OPCML: variants seen among roughly 807,000 people sequenced by gnomAD.
OPCML encodes the protein opioid-binding protein/cell adhesion molecule.
OPCML carries 13 observed loss-of-function variants against 37.8 expected under a neutral mutation model. The observed-to-expected ratio is 0.34, with a 90% CI of 0.22 to 0.55. The LOEUF is 0.55. Ranked by LOEUF, OPCML falls within the 20% of genes least tolerant of loss-of-function variation. OPCML has a pLI of 0.91. For synonymous variants in OPCML, 176 were observed against 168.8 expected (o/e 1.04, Z -0.33); for missense variants, 341 against 435.6 (o/e 0.78, Z 1.93).
chr11:133,195,333 A>G (rs753711177), intron 1 of OPCML, among the ~76,000 whole-genome samples: 1 of 152,202 alleles, frequency 6.6e-6, no homozygotes, highest in Non-Finnish European at 1.5e-5. Context: ...GGTTCAATAA[A>G]TGCTCATTGG....
At chr11:132,468,067 A>G (rs2096125194) in intron 4 of OPCML, among the ~76,000 whole-genome samples, 1 of 152,258 alleles carries the variant, frequency 6.6e-6, no homozygotes, top group East Asian at 1.9e-4. Flanking sequence ...CTTCATTTGG[A>G]CAAAGCTAAT....
intron 2 of OPCML, among the ~76,000 whole-genome samples, chr11:132,820,059 A>G (rs1591652784): frequency 1.5e-5 from 2 of 129,804 alleles, no homozygotes; most frequent in East Asian, 4.7e-4. Context: ...ACACAGCAAA[A>G]ACTGAATGAA....
intron 2 of OPCML, among the ~76,000 whole-genome samples, chr11:132,784,250 A>G (rs1310186939): frequency 1.3e-5 from 2 of 152,140 alleles, no homozygotes; most frequent in East Asian, 3.9e-4. Flanking sequence ...TAACTAACCA[A>G]GGCTTGATTA....
chr11:132,545,422 T>G lies in OPCML; in HGVS notation c.380-16236A>C, dbSNP rs187411778. Reference sequence around the variant, plus strand: ...TTCTCTTTCCCAGTAAATAGGAAACTTGCTACAACCAGGTACTCAGCCTTC... The same window carrying G: ...TTCTCTTTCCCAGTAAATAGGAAACGTGCTACAACCAGGTACTCAGCCTTC... On this transcript the variant is annotated intron_variant, in intron 3 of 7. Coordinates refer to ENST00000524381, the MANE Select transcript of OPCML (RefSeq NM_001012393.5). Among the ~76,000 whole-genome samples, 54 of 152,338 alleles carry G rather than the reference T, an allele frequency of 3.5e-4. No homozygotes were observed. The Middle Eastern group carries it at 0.01, about 29-fold the overall frequency.
intron 1 of OPCML, among the ~76,000 whole-genome samples, chr11:133,372,263 G>A (rs1399292267): frequency 1.3e-5 from 2 of 152,252 alleles, no homozygotes; most frequent in Non-Finnish European, 2.9e-5. Flanking sequence ...ACATATTTAT[G>A]CACATAACAA....
intron 2 of OPCML, among the ~76,000 whole-genome samples, chr11:132,725,648 T>C (rs1944852445): frequency 6.6e-6 from 1 of 152,132 alleles, no homozygotes; most frequent in Non-Finnish European, 1.5e-5. Flanking sequence ...CTGCTTCACT[T>C]GTAAAACTGA....
chr11:133,004,531 A>G, intron 1 of OPCML: 1 of 985,336 alleles, frequency 1.0e-6, no homozygotes, highest in South Asian at 4.7e-5. Flanking sequence ...GGCCTTGGCC[A>G]TGCACCTCTT....
chr11:133,515,536 T>G lies in OPCML; in HGVS notation c.61+16728A>C, dbSNP rs150233069. On this transcript the variant is annotated intron_variant, in intron 1 of 7. Transcript: ENST00000524381. ...CCATAGGGATAATAGAAAAATCAAGTTCGAGAAGCTAATACAAAACCATAA... is the reference window on the plus strand; with the variant it reads ...CCATAGGGATAATAGAAAAATCAAGGTCGAGAAGCTAATACAAAACCATAA... Among the ~76,000 whole-genome samples the G allele has an allele frequency of 1.7e-3, 258 of 152,160 alleles. 1 individual carries two copies. Among genetic ancestry groups the G allele is most frequent in the African/African-American group, 5.6e-3 (233 of 41,504 alleles).
chr11:132,780,868 T>C (rs1168230542), intron 2 of OPCML, among the ~76,000 whole-genome samples: 1 of 152,200 alleles, frequency 6.6e-6, no homozygotes, highest in Admixed American at 6.5e-5. Context: ...TATTTTAAAT[T>C]TCTGATTACG....
intron 1 of OPCML, among the ~76,000 whole-genome samples, chr11:132,966,214 G>A (rs1211122597): frequency 6.6e-6 from 1 of 151,704 alleles, no homozygotes; most frequent in Non-Finnish European, 1.5e-5. Context: ...TGTTTTGTAT[G>A]TTTCGCTATG....
intron 1 of OPCML, among the ~76,000 whole-genome samples, chr11:133,529,916 A>G (rs1220921480): frequency 6.6e-6 from 1 of 152,192 alleles, no homozygotes; most frequent in African/African-American, 2.4e-5. Flanking sequence ...CAAGATGCGA[A>G]GCGTTCTTTC....
At chr11:132,779,568 G>A (rs1946926310) in intron 2 of OPCML, among the ~76,000 whole-genome samples, 1 of 150,676 alleles carries the variant, frequency 6.6e-6, no homozygotes, top group Admixed American at 6.6e-5. Flanking sequence ...GGGGGCGTGG[G>A]GAGAGAGAGA....
At position 133,043,508 on chromosome 11, in the gene OPCML, C is replaced by T. The variant is rs548106533; in HGVS notation, c.62-100498G>A. Among the ~76,000 whole-genome samples, 14 of 152,296 alleles carry T rather than the reference C, an allele frequency of 9.2e-5. No homozygotes were observed. The East Asian group carries it at 1.5e-3, about 17-fold the overall frequency. On this transcript the variant is annotated intron_variant, in intron 1 of 7. Coordinates refer to ENST00000524381, the MANE Select transcript of OPCML (RefSeq NM_001012393.5). ...TCTCCAAAGTGTTAGGTGGCAGCTG[C>T]GCACACCCAGGGAAATAGATTTCCA... is the stretch of plus-strand genomic sequence containing the variant.
chr11:132,578,475 T>C (rs1003654334), intron 3 of OPCML, among the ~76,000 whole-genome samples: 1 of 152,194 alleles, frequency 6.6e-6, no homozygotes, highest in African/African-American at 2.4e-5. Flanking sequence ...TAATGCTAAC[T>C]GGTCTGCATT....
At chr11:132,583,043 T>C (rs1452187806) in intron 3 of OPCML, among the ~76,000 whole-genome samples, 1 of 151,174 alleles carries the variant, frequency 6.6e-6, no homozygotes, top group East Asian at 1.9e-4. Context: ...ACTTTTGGGG[T>C]TTTTTGGTTT....
In OPCML at chr11:133,317,183, C is replaced by T. The variant is rs145791843; in HGVS notation, c.61+215081G>A. Among the ~76,000 whole-genome samples, 1,008 of 152,126 alleles carry T rather than the reference C, an allele frequency of 6.6e-3. 2 individuals are homozygous for T. The highest frequency in any genetic ancestry group is 0.014 in the Middle Eastern group (4 of 294). The stretch of plus-strand genomic sequence containing the variant: ...CTGCACTCCAGCCTGGGTGACAGAG[C>T]GAGATGCTATGTCAAAAAATAAAAA... On this transcript the variant is annotated intron_variant, in intron 1 of 7. Coordinates refer to ENST00000524381, the MANE Select transcript of OPCML (RefSeq NM_001012393.5).
intron 4 of OPCML, among the ~76,000 whole-genome samples, chr11:132,444,029 T>C (rs2096045847): frequency 6.6e-6 from 1 of 152,220 alleles, no homozygotes; most frequent in African/African-American, 2.4e-5. Flanking sequence ...TTGACTTTAG[T>C]ACTCAGTCAC....
intron 2 of OPCML, among the ~76,000 whole-genome samples, chr11:132,709,832 C>T (rs755467237): frequency 1.1e-4 from 17 of 152,194 alleles, no homozygotes; most frequent in Non-Finnish European, 1.9e-4. Flanking sequence ...AGAGGGGATT[C>T]GCTAAGACCG....
chr11:132,898,967 G>T (rs906100554), intron 2 of OPCML, among the ~76,000 whole-genome samples: 1 of 151,972 alleles, frequency 6.6e-6, no homozygotes, highest in Admixed American at 6.6e-5. Context: ...CTGGATGTAA[G>T]GAAGACTATG....
Sources: gnomAD v4.1 joint callset for allele counts (sites outside exome capture counted in the v4.1 genomes callset) on GRCh38, gnomAD v4.1.1 for gene constraint, MANE v1.5 for transcripts, NCBI Gene and HGNC (gene_info 2026-07-23, HGNC 2026-07-21) for gene names.